The following GAB1 variants were observed in gnomAD, a reference collection of about 807,000 sequenced individuals.
GAB1 encodes the protein GRB2 associated binding protein 1, also known as GRB2-associated-binding protein 1.
In GAB1, 19 loss-of-function variants were observed where a neutral mutation model predicts 66.5. That is an observed-to-expected ratio of 0.29 (90% CI 0.20 to 0.42). GAB1 has a LOEUF of 0.42. GAB1 is among the 10% of genes least tolerant of loss of function. The pLI, the probability that GAB1 is intolerant of heterozygous loss-of-function variation, is 1.00. For missense variants in GAB1, 732 were observed against 858.5 expected (o/e 0.85, Z 1.84); for synonymous variants, 294 against 301.4 (o/e 0.98, Z 0.25).
intron 1 of GAB1, among the ~76,000 whole-genome samples, chr4:143,379,158 A>G (rs1411936884): frequency 6.6e-6 from 1 of 152,230 alleles, no homozygotes; most frequent in Non-Finnish European, 1.5e-5. Flanking sequence ...TATGTAACAG[A>G]GTTATGCATA....
At chr4:143,427,157 C>T (rs1366561729) in intron 2 of GAB1, among the ~76,000 whole-genome samples, 1 of 152,146 alleles carries the variant, frequency 6.6e-6, no homozygotes, top group Non-Finnish European at 1.5e-5. Flanking sequence ...AGGCCATCAC[C>T]CAGGATCTGA....
intron 1 of GAB1, among the ~76,000 whole-genome samples, chr4:143,407,162 A>G (rs1449535234): frequency 6.6e-6 from 1 of 152,132 alleles, no homozygotes; most frequent in Non-Finnish European, 1.5e-5. Flanking sequence ...TTTCTAAGAA[A>G]AGTTTTCATT....
Position 143,433,529 on chromosome 4 carries a change from G to A in GAB1, c.406G>A (p.Ala136Thr). ...KPPGSSLQAP[A>T]DLPLAINTAP... The stretch of plus-strand genomic sequence containing the variant: ...ACCTGGCAGCTCTTTACAAGCACCA[G>A]CTGATTTACCTTTAGCTATAAATAC... The change falls in exon 3 of 10, where the codon GCT (alanine) becomes ACT (threonine). Residue 136 changes from alanine (A) to threonine (T), a missense_variant. Physicochemically the swap from Ala to Thr is moderately conservative, Grantham distance 58 (BLOSUM62 0). This residue lies in a region of GAB1 where 427 missense variants were observed against 420.6 expected (regional missense o/e 1.02). Coordinates refer to ENST00000262994, the MANE Select transcript of GAB1 (RefSeq NM_002039.4). 6.2e-7 allele frequency: 1 copy of A among 1,613,982 alleles called. No individual in the cohort carries two copies. Among genetic ancestry groups the A allele is most frequent in the African/African-American group, 1.3e-5 (1 of 75,028 alleles).
intron 1 of GAB1, chr4:143,349,834 T>C: frequency 6.3e-7 from 1 of 1,584,950 alleles, no homozygotes; most frequent in Non-Finnish European, 8.5e-7. Flanking sequence ...TGGCATAATC[T>C]TCAAAACCTC....
intron 1 of GAB1, among the ~76,000 whole-genome samples, chr4:143,366,724 A>G (rs1419540463): frequency 6.6e-6 from 1 of 152,176 alleles, no homozygotes; most frequent in Non-Finnish European, 1.5e-5. Flanking sequence ...AATGGACTAC[A>G]CTAAATATTA....
At chr4:143,442,336 G>A (rs28925914) in intron 6 of GAB1, among the ~76,000 whole-genome samples, 35 of 152,278 alleles carry the variant, frequency 2.3e-4, no homozygotes, top group Middle Eastern at 3.4e-3. Flanking sequence ...TGTGGAGGGA[G>A]TAAGATTTGG....
At chr4:143,452,276 G>A (rs1412212180) in intron 6 of GAB1, among the ~76,000 whole-genome samples, 3 of 152,032 alleles carry the variant, frequency 2.0e-5, no homozygotes, top group Non-Finnish European at 2.9e-5. Flanking sequence ...ACTTGGGGAC[G>A]ATTCCTTATA....
intron 1 of GAB1, among the ~76,000 whole-genome samples, chr4:143,354,490 G>A (rs1729361950): frequency 6.6e-6 from 1 of 151,696 alleles, no homozygotes; most frequent in Admixed American, 6.6e-5. Context: ...TTAACTTACA[G>A]TTTTCCATTT....
intron 1 of GAB1, among the ~76,000 whole-genome samples, chr4:143,353,913 A>G (rs1729334019): frequency 6.6e-6 from 1 of 152,168 alleles, no homozygotes; most frequent in African/African-American, 2.4e-5. Context: ...TCTGCTCACA[A>G]GATTTTATAG....
chr4:143,391,704 A>G (rs570110812), intron 1 of GAB1: 2 of 152,342 alleles, frequency 1.3e-5, no homozygotes, highest in African/African-American at 4.8e-5. Context: ...AACTGCATAG[A>G]TATTCATTGA....
At chr4:143,409,399 T>G (rs1732245549) in intron 1 of GAB1, among the ~76,000 whole-genome samples, 3 of 133,460 alleles carry the variant, frequency 2.2e-5, no homozygotes, top group East Asian at 2.3e-4. Flanking sequence ...CCCCCCCCGC[T>G]CTGAAATCTT....
intron 2 of GAB1, among the ~76,000 whole-genome samples, chr4:143,427,627 G>A (rs1048611698): frequency 4.6e-5 from 7 of 152,042 alleles, no homozygotes; most frequent in African/African-American, 1.4e-4. Context: ...ACAATCCTAA[G>A]TCAACCAGTT....
chr4:143,353,250 T>C (rs1307693984), intron 1 of GAB1, among the ~76,000 whole-genome samples: 1 of 152,224 alleles, frequency 6.6e-6, no homozygotes, highest in Non-Finnish European at 1.5e-5. Flanking sequence ...ATTGTTTTTA[T>C]AATACATGTC....
chr4:143,376,497 A>G (rs537315085), intron 1 of GAB1, among the ~76,000 whole-genome samples: 3 of 152,354 alleles, frequency 2.0e-5, no homozygotes, highest in South Asian at 4.1e-4. Flanking sequence ...TTCTAAGTAC[A>G]TGCATCAAAA....
chr4:143,465,075 G>T (rs1051427098), intron 8 of GAB1, among the ~76,000 whole-genome samples: 2 of 152,144 alleles, frequency 1.3e-5, no homozygotes, highest in Non-Finnish European at 2.9e-5. Flanking sequence ...GAAATACACA[G>T]TCTTGCGTAT....
At chr4:143,359,010 A>G (rs1309787228) in intron 1 of GAB1, among the ~76,000 whole-genome samples, 2 of 152,114 alleles carry the variant, frequency 1.3e-5, no homozygotes, top group Non-Finnish European at 2.9e-5. Context: ...GCTTATTTAC[A>G]TATTGTATAA....
chr4:143,390,834 A>G (rs554704086), intron 1 of GAB1, among the ~76,000 whole-genome samples: 28 of 152,250 alleles, frequency 1.8e-4, no homozygotes, highest in Middle Eastern at 3.4e-3. Context: ...TGCTTCCTAC[A>G]TCTCAGGGTT....
chr4:143,387,522 G>T (rs1258758677), intron 1 of GAB1, among the ~76,000 whole-genome samples: 1 of 152,192 alleles, frequency 6.6e-6, no homozygotes, highest in Non-Finnish European at 1.5e-5. Flanking sequence ...GGCACAGAAG[G>T]CTGCTTACTG....
Position 143,460,387 on chromosome 4 carries a change from C to G in GAB1, c.1703C>G (p.Pro568Arg), listed in dbSNP as rs757269780. 3 of 1,613,496 alleles carry G rather than the reference C, an allele frequency of 1.9e-6. No individual in the cohort carries two copies. In the African/African-American group the frequency reaches 4.0e-5, roughly 22 times the overall value. The part of the protein sequence containing the change: ...ARDSSRFPMS[P>R]RPDSVHSTTS... ...AGCTCTTCCAGGTTTCCCATGTCCC[C>G]CCGACCAGATTCAGTGCATAGCACA... is the stretch of plus-strand genomic sequence containing the variant. The change falls in exon 8 of 10, where the codon CCC becomes CGC. Residue 568 changes from proline (P) to arginine (R), a missense_variant. Around this residue, in one of 4 missense-constraint regions of GAB1, gnomAD observed 204 missense variants for 276.8 expected, o/e 0.74. Coordinates refer to ENST00000262994, the MANE Select transcript of GAB1 (RefSeq NM_002039.4).
Sources: gnomAD v4.1 joint callset for allele counts (sites outside exome capture counted in the v4.1 genomes callset) on GRCh38, gnomAD v4.1.1 for gene constraint, gnomAD v4.1.1 regional missense constraint, MANE v1.5 for transcripts, NCBI Gene and HGNC (gene_info 2026-07-23, HGNC 2026-07-21) for gene names.